Variants in RAB34 observed in about 807,000 individuals in gnomAD.
RAB34 encodes ras-related protein Rab-34.
A neutral mutation model predicts 39.0 loss-of-function variants in RAB34; 33 were observed. The ratio of observed to expected loss-of-function variants is 0.85; its 90% CI spans 0.64 to 1.13. The LOEUF is 1.13. RAB34 is among the 50% of genes most tolerant of loss of function. The pLI is 0.00. For missense variants in RAB34, 289 were observed against 326.1 expected, an observed-to-expected ratio of 0.89 and a Z score of 0.88; for synonymous variants, 135 against 125.1, an observed-to-expected ratio of 1.08 and a Z score of -0.53.
In RAB34 at chr17:28,715,439, G is replaced by A. The variant is rs764621238; in HGVS notation, c.431+17C>T. 1.2e-6 allele frequency: 2 copies of A among 1,613,370 alleles called. No homozygotes were observed. The highest frequency in any genetic ancestry group is 4.5e-5 in the East Asian group (2 of 44,886). ...TCTTCCCGGAGCCTCCCATTATATT[G>A]CAGGATGCTCACTTACTTGGTATGT... is the stretch of plus-strand genomic sequence containing the variant. On this transcript the variant is annotated intron_variant, in intron 6 of 9. Transcript: ENST00000395245.
chr17:28,716,785 A>G, intron 2 of RAB34, 118 bp downstream of exon 2: 4 of 1,197,246 alleles, frequency 3.3e-6, no homozygotes, highest in Non-Finnish European at 4.6e-6. Context: ...AGAGGGGGAA[A>G]TAACCATATA....
At chr17:28,718,382 C>A, upstream of RAB34, 3 of 820,688 alleles carry the variant, frequency 3.7e-6, no homozygotes, top group East Asian at 3.2e-5. Context: ...AGGAGAGAGA[C>A]GTCTGAAGTC....
chr17:28,717,010 G>A lies in RAB34; in HGVS notation c.55-16C>T, dbSNP rs373754764. On this transcript the variant is annotated splice_polypyrimidine_tract_variant and intron_variant, in intron 1 of 9. Coordinates refer to ENST00000395245, the MANE Select transcript of RAB34 (RefSeq NM_031934.6). The stretch of plus-strand genomic sequence containing the variant: ...TCCTCAGGCACTTAGTGGGAAGGAT[G>A]GAAGAGAATGGAGCTTCCTACTCCT... The A allele has an allele frequency of 2.5e-6, 4 of 1,612,444 alleles. No homozygotes were observed. The highest frequency in any genetic ancestry group is 3.4e-6 in the Non-Finnish European group (4 of 1,179,296).
chr17:28,717,169 AC>A, intron 1 of RAB34, 43 bp downstream of exon 1: 2 of 1,566,300 alleles, frequency 1.3e-6, no homozygotes. Flanking sequence ...CCTCGCCCAC[AC>A]CCCGGGCTGT....
At chr17:28,716,854 C>T in intron 2 of RAB34, 49 bp downstream of exon 2, 1 of 1,585,636 alleles carries the variant, frequency 6.3e-7, no homozygotes, top group South Asian at 1.1e-5. Context: ...GCTATGACTA[C>T]AGAGTTTCCT....
In RAB34 at chr17:28,717,505, C is replaced by T; in HGVS notation, c.-239G>A. 1 of 1,432,482 alleles carries T rather than the reference C, an allele frequency of 7.0e-7. No homozygotes were observed. The highest frequency in any genetic ancestry group is 9.1e-7 in the Non-Finnish European group (1 of 1,095,622). 88.7% of individuals were successfully genotyped at this position (1,432,482 alleles called of 1,614,324 possible). The stretch of plus-strand genomic sequence containing the variant: ...CCAAAATCACCCGGGCCCTGGGCGT[C>T]CCGAAGATGACTCTGGGGCGAGGAG... On this transcript the variant is annotated 5_prime_UTR_variant, in exon 1 of 10. Coordinates refer to ENST00000395245, the MANE Select transcript of RAB34 (RefSeq NM_031934.6).
At chr17:28,718,081 T>G, upstream of RAB34, 1 of 1,582,000 alleles carries the variant, frequency 6.3e-7, no homozygotes, top group Non-Finnish European at 8.6e-7. Context: ...TGCTCTCCCC[T>G]GCACCTCTAT....
intron 2 of RAB34, 82 bp downstream of exon 2, chr17:28,716,821 C>G (rs2033527857): frequency 1.3e-6 from 2 of 1,504,686 alleles, no homozygotes; most frequent in South Asian, 2.5e-5. Context: ...AATGAAGCCC[C>G]AAGGGGGTGG....
Position 28,715,836 on chromosome 17 carries a change from C to T in RAB34, c.278G>A (p.Arg93Gln), listed in dbSNP as rs1266060351. Residue 93 changes from arginine (R) to glutamine (Q), a missense_variant, in exon 4 of 10, where the codon CGA (arginine) becomes CAA (glutamine). Physicochemically the swap from Arg to Gln is conservative, Grantham distance 43 (BLOSUM62 1). Coordinates refer to ENST00000395245, the MANE Select transcript of RAB34 (RefSeq NM_031934.6). The part of the protein sequence containing the change: ...ATIGVDFEME[R>Q]FEVLGIPFSL... ...GAAGGGAATGCCCAGCACCTCAAAT[C>T]GTTCCATCTCGAAGTCCACTCCAAT... is the stretch of plus-strand genomic sequence containing the variant. 9 of 1,614,032 alleles carry T rather than the reference C, an allele frequency of 5.6e-6. No homozygotes were observed. The highest frequency in any genetic ancestry group is 4.5e-5 in the East Asian group (2 of 44,872).
intron 2 of RAB34, 161 bp from the exon 3 acceptor site, chr17:28,716,219 G>A: frequency 2.2e-6 from 2 of 897,418 alleles, no homozygotes; most frequent in Non-Finnish European, 3.3e-6. Context: ...GTGCTGGGGA[G>A]GAGGAGTGTT....
In RAB34 at chr17:28,714,555, G is replaced by C; in HGVS notation, c.*88C>G. ...CAGCTCTTTGGTCTGGATAAAGTCAGTGCAAATGTCCAGGGGTCAAGCTCT... is the reference window on the plus strand; with the variant it reads ...CAGCTCTTTGGTCTGGATAAAGTCACTGCAAATGTCCAGGGGTCAAGCTCT... On this transcript the variant is annotated 3_prime_UTR_variant, in exon 10 of 10. Coordinates refer to ENST00000395245, the MANE Select transcript of RAB34 (RefSeq NM_031934.6). 5.0e-6 allele frequency: 8 copies of C among 1,612,652 alleles called. No individual in the cohort carries two copies. Among genetic ancestry groups the C allele is most frequent in the Non-Finnish European group, 6.8e-6 (8 of 1,179,960 alleles).
intron 1 of RAB34, 23 bp downstream of exon 1, chr17:28,717,190 C>G (rs758543216): frequency 2.5e-6 from 4 of 1,588,372 alleles, no homozygotes; most frequent in Non-Finnish European, 2.6e-6. Context: ...TAGACTGAAG[C>G]CCGACGTGGC....
At chr17:28,718,419 T>G, upstream of RAB34, 6 of 613,114 alleles carry the variant, frequency 9.8e-6, no homozygotes. Context: ...AAGGCTGCTG[T>G]GTAGATTGTG....
chr17:28,714,697 A>G lies in RAB34; in HGVS notation c.726T>C (p.Asp242=). 2 of 1,614,116 alleles carry G rather than the reference A, an allele frequency of 1.2e-6. No individual in the cohort carries two copies. Among genetic ancestry groups the G allele is most frequent in the South Asian group, 1.1e-5 (1 of 91,084 alleles). ...RIGDVVRINS[D]DSNLYLTASK... ...TGGCAGTTAGGTAGAGGTTGCTGTC[A>G]TCACTGTTGATGCCTAAAGAAGGGT... The change falls in exon 10 of 10, where the codon GAT becomes GAC. Residue 242 remains aspartate (D), a synonymous_variant. Transcript: ENST00000395245.
intron 2 of RAB34, 100 bp downstream of exon 2, chr17:28,716,803 G>A: frequency 7.4e-7 from 1 of 1,353,964 alleles, no homozygotes; most frequent in Non-Finnish European, 1.0e-6. Flanking sequence ...ATAGCTGGTA[G>A]GGGCTGAAAT....
upstream of RAB34, chr17:28,718,025 C>G (rs797003245): frequency 2.3e-5 from 31 of 1,348,122 alleles, 1 homozygote; most frequent in Non-Finnish European, 2.7e-5. Flanking sequence ...GCACCAGGAC[C>G]GCCCCGACCC....
Position 28,717,610 on chromosome 17 carries a change from C to A in RAB34, c.-344G>T, listed in dbSNP as rs1482124380. On this transcript the variant is annotated 5_prime_UTR_variant, in exon 1 of 10. Transcript: ENST00000395245. The stretch of plus-strand genomic sequence containing the variant: ...GCGCAGACCCTACGATTACGCGGGG[C>A]CGGATAGTTCCTACGATTACGCGGG... The A allele has an allele frequency of 2.9e-6, 4 of 1,394,402 alleles. No individual in the cohort carries two copies. Among genetic ancestry groups the A allele is most frequent in the Non-Finnish European group, 3.7e-6 (4 of 1,079,282 alleles). 86.4% of individuals were successfully genotyped at this position (1,394,402 alleles called of 1,614,324 possible). A position where few individuals can be genotyped will look rare whatever the true frequency, so the allele number is the denominator to read the frequency against.
Position 28,714,419 on chromosome 17 carries a change from G to A in RAB34, c.*224C>T, listed in dbSNP as rs756381227. The A allele has an allele frequency of 9.4e-6, 8 of 855,310 alleles. No individual in the cohort carries two copies. Among genetic ancestry groups the A allele is most frequent in the Non-Finnish European group, 1.5e-5 (8 of 533,504 alleles). The allele number at this position is 855,310 out of a possible 1,614,324, so 53.0% of individuals were successfully genotyped here. On this transcript the variant is annotated 3_prime_UTR_variant, in exon 10 of 10. Coordinates refer to ENST00000395245, the MANE Select transcript of RAB34 (RefSeq NM_031934.6). ...TCCCTCACTACCACTGGGCGCCCTG[G>A]ACAGTCCCCTGAGGAGTAGGGGGCA...
At position 28,716,762 on chromosome 17, in the gene RAB34, T is replaced by C. The variant is rs142125089; in HGVS notation, c.146+141A>G. On this transcript the variant is annotated intron_variant, in intron 2 of 9. Transcript: ENST00000395245. ...ACCTTGTTGGGAGAAAAGGAGGGGATACAGGGGCTTAAAGAGGGGGAAATA... is the reference window on the plus strand; with the variant it reads ...ACCTTGTTGGGAGAAAAGGAGGGGACACAGGGGCTTAAAGAGGGGGAAATA... The C allele has an allele frequency of 3.8e-4, 366 of 962,574 alleles. 2 individuals are homozygous for C. The African/African-American group carries it at 5.2e-3, about 14-fold the overall frequency. 59.6% of individuals were successfully genotyped at this position (962,574 alleles called of 1,614,324 possible). A position where few individuals can be genotyped will look rare whatever the true frequency, so the allele number is the denominator to read the frequency against.
Sources: allele counts gnomAD v4.1 joint callset, GRCh38; gene constraint gnomAD v4.1.1; transcripts MANE v1.5; gene names NCBI Gene and HGNC (gene_info 2026-07-23, HGNC 2026-07-21).